The following HIP1 variants were observed in gnomAD, a reference collection of about 807,000 sequenced individuals.
HIP1 encodes huntingtin-interacting protein 1.
A neutral mutation model predicts 147.6 loss-of-function variants in HIP1; 65 were observed. The ratio of observed to expected loss-of-function variants is 0.44; its 90% CI spans 0.36 to 0.54. The LOEUF (loss-of-function observed/expected upper bound fraction) is 0.54, where lower values mean the gene tolerates loss of function less well. HIP1 is among the 20% of genes least tolerant of loss of function. The pLI, the probability that HIP1 is intolerant of heterozygous loss-of-function variation, is 0.00. For missense variants in HIP1, 1,061 were observed against 1,299.6 expected, an observed-to-expected ratio of 0.82 and a Z score of 2.82; for synonymous variants, 479 against 504.0, an observed-to-expected ratio of 0.95 and a Z score of 0.67.
chr7:75,640,242 G>A (rs1462753629), intron 1 of HIP1, among the ~76,000 whole-genome samples: 1 of 152,172 alleles, frequency 6.6e-6, no homozygotes, highest in African/African-American at 2.4e-5. Context: ...GGACCTGAGA[G>A]TCCACCTAGA....
intron 1 of HIP1, among the ~76,000 whole-genome samples, chr7:75,680,318 C>T (rs1377403229): frequency 1.3e-5 from 2 of 152,006 alleles, no homozygotes; most frequent in Non-Finnish European, 2.9e-5. Context: ...GCTAGGATTA[C>T]AGGCGTGAGT....
chr7:75,540,041 G>A (rs1304748941), intron 29 of HIP1, among the ~76,000 whole-genome samples: 5 of 152,120 alleles, frequency 3.3e-5, no homozygotes, highest in African/African-American at 7.2e-5. Flanking sequence ...TACTGCTACA[G>A]GAAAAAGCCT....
chr7:75,561,625 G>A (rs782447193), intron 12 of HIP1, among the ~76,000 whole-genome samples: 1 of 152,260 alleles, frequency 6.6e-6, no homozygotes, highest in East Asian at 1.9e-4. Flanking sequence ...TGAGGGTCAA[G>A]ACATTCCTTT....
intron 1 of HIP1, among the ~76,000 whole-genome samples, chr7:75,734,563 C>T (rs1325705318): frequency 2.0e-5 from 3 of 152,122 alleles, no homozygotes; most frequent in Admixed American, 6.6e-5. Flanking sequence ...CTTCAGGATG[C>T]AGGCAAGAGC....
chr7:75,695,545 G>T (rs554453180), intron 1 of HIP1, among the ~76,000 whole-genome samples: 7 of 149,048 alleles, frequency 4.7e-5, no homozygotes, highest in African/African-American at 1.8e-4. Context: ...CCGATATTCA[G>T]AAGGGGTTGT....
intron 1 of HIP1, among the ~76,000 whole-genome samples, chr7:75,647,890 C>T (rs782455336): frequency 1.1e-4 from 17 of 152,216 alleles, no homozygotes; most frequent in Admixed American, 9.8e-4. Flanking sequence ...AAGTGTGAGG[C>T]GTGGTGTGAA....
At chr7:75,602,930 C>T (rs1300824435) in intron 1 of HIP1, among the ~76,000 whole-genome samples, 2 of 151,378 alleles carry the variant, frequency 1.3e-5, no homozygotes, top group East Asian at 3.9e-4. Context: ...TGGTGATCCT[C>T]GAAGAAGATG....
chr7:75,592,210 G>T, intron 3 of HIP1, 98 bp from the exon 4 acceptor site: 1 of 1,396,080 alleles, frequency 7.2e-7, no homozygotes, highest in East Asian at 2.3e-5. Flanking sequence ...TAGGGCAGGG[G>T]GACAGGCTGA....
chr7:75,584,216 G>A (rs1325869868), intron 5 of HIP1, among the ~76,000 whole-genome samples: 1 of 151,438 alleles, frequency 6.6e-6, no homozygotes, highest in East Asian at 1.9e-4. Flanking sequence ...CACCCGCCTC[G>A]GCCTCCCAGA....
chr7:75,648,397 G>A (rs1207538511), intron 1 of HIP1, among the ~76,000 whole-genome samples: 2 of 152,062 alleles, frequency 1.3e-5, no homozygotes, highest in African/African-American at 4.8e-5. Flanking sequence ...TCATGGAGGA[G>A]CATCAAGCCT....
At chr7:75,686,597 G>C (rs2117285242) in intron 1 of HIP1, among the ~76,000 whole-genome samples, 1 of 152,196 alleles carries the variant, frequency 6.6e-6, no homozygotes, top group South Asian at 2.1e-4. Context: ...GATAAGGAAG[G>C]AGAGAGAGGG....
intron 1 of HIP1, among the ~76,000 whole-genome samples, chr7:75,646,041 A>T (rs1798790119): frequency 6.6e-6 from 1 of 152,194 alleles, no homozygotes; most frequent in Non-Finnish European, 1.5e-5. Context: ...CACACAATAT[A>T]CCCATGTAAC....
At position 75,573,893 on chromosome 7, in the gene HIP1, A is replaced by C. The variant is rs1554497142; in HGVS notation, c.613T>G (p.Ser205Ala). ...ELNLFQTVFN[S>A]LDMSRSVSVT... is the part of the protein sequence containing the mutation. Reference sequence around the variant, plus strand: ...GACACAGAGCGGGACATGTCCAGGGAGTTGAATACTAGGAAATAAAAGTGA... The same window carrying C: ...GACACAGAGCGGGACATGTCCAGGGCGTTGAATACTAGGAAATAAAAGTGA... Residue 205 changes from serine (S) to alanine (A), a missense_variant, in exon 8 of 31, where the codon TCC (serine) becomes GCC (alanine). Ser to Ala is a moderately conservative substitution (Grantham distance 99). This residue lies in a region of HIP1 where 225 missense variants were observed against 292.9 expected (regional missense o/e 0.77). Coordinates refer to ENST00000336926, the MANE Select transcript of HIP1 (RefSeq NM_005338.7). 3 of 1,611,622 alleles carry C rather than the reference A, an allele frequency of 1.9e-6. No homozygotes were observed. Among genetic ancestry groups the C allele is most frequent in the Non-Finnish European group, 2.5e-6 (3 of 1,178,034 alleles).
At chr7:75,544,078 A>C (rs1468197666) in intron 27 of HIP1, among the ~76,000 whole-genome samples, 2 of 150,334 alleles carry the variant, frequency 1.3e-5, no homozygotes, top group African/African-American at 4.9e-5. Context: ...AGGCTGAGTC[A>C]GGAGAATCAC....
intron 1 of HIP1, among the ~76,000 whole-genome samples, chr7:75,610,550 G>A (rs964808070): frequency 1.3e-5 from 2 of 151,258 alleles, no homozygotes; most frequent in Admixed American, 6.6e-5. Flanking sequence ...CTCTTAATAC[G>A]TTTGACACTG....
At chr7:75,623,762 T>C (rs1266134786) in intron 1 of HIP1, among the ~76,000 whole-genome samples, 1 of 152,108 alleles carries the variant, frequency 6.6e-6, no homozygotes, top group Non-Finnish European at 1.5e-5. Flanking sequence ...CCTCATTGCC[T>C]TTCTGGCTTG....
chr7:75,539,529 A>T, intron 29 of HIP1, 98 bp from the exon 30 acceptor site: 2 of 962,348 alleles, frequency 2.1e-6, no homozygotes, highest in Non-Finnish European at 3.1e-6. Context: ...TCTGCTGCCC[A>T]GGCTGGTAGT....
chr7:75,538,297 C>T, intron 30 of HIP1, 73 bp from the exon 31 acceptor site: 2 of 1,120,140 alleles, frequency 1.8e-6, no homozygotes, highest in Non-Finnish European at 2.7e-6. Context: ...CAAAACCTGC[C>T]ACCATGGGGG....
At chr7:75,663,383 G>C (rs570281994) in intron 1 of HIP1, among the ~76,000 whole-genome samples, 1 of 152,214 alleles carries the variant, frequency 6.6e-6, no homozygotes, top group Non-Finnish European at 1.5e-5. Flanking sequence ...AGGATCGCTG[G>C]AACCTAGGCA....
Sources: allele counts gnomAD v4.1 joint callset (sites outside exome capture counted in the v4.1 genomes callset), GRCh38; gene constraint gnomAD v4.1.1; regional missense constraint gnomAD v4.1.1; transcripts MANE v1.5; gene names NCBI Gene and HGNC (gene_info 2026-07-23, HGNC 2026-07-21).